The following ULK4 variants were observed in gnomAD, a reference collection of about 807,000 sequenced individuals.
ULK4 encodes inactive serine/threonine-protein kinase ULK4.
A neutral mutation model predicts 160.6 loss-of-function variants in ULK4; 133 were observed. The ratio of observed to expected loss-of-function variants is 0.83; its 90% confidence interval spans 0.72 to 0.96. ULK4 has a LOEUF of 0.96. Among genes scored for constraint, ULK4 ranks in the 40% least tolerant of loss-of-function variants. ULK4 has a pLI of 0.00. For synonymous variants in ULK4, 534 were observed against 539.8 expected (o/e 0.99, Z 0.15); for missense variants, 1,580 against 1,499.5 (o/e 1.05, Z -0.89).
At chr3:41,619,106 A>C (rs2033120373) in intron 30 of ULK4, among the ~76,000 whole-genome samples, 1 of 152,196 alleles carries the variant, frequency 6.6e-6, no homozygotes, top group Non-Finnish European at 1.5e-5. Flanking sequence ...TGCACCCAAT[A>C]CAGGAGGACC....
At chr3:41,524,493 T>A (rs2086042292) in intron 32 of ULK4, among the ~76,000 whole-genome samples, 2 of 152,160 alleles carry the variant, frequency 1.3e-5, no homozygotes, top group Admixed American at 6.5e-5. Context: ...AGGAAACCAG[T>A]CAGCACCACA....
intron 35 of ULK4, among the ~76,000 whole-genome samples, chr3:41,326,451 C>CATATATATATATAT (rs10660377): frequency 4.3e-4 from 63 of 146,692 alleles, no homozygotes; most frequent in African/African-American, 1.5e-3. Flanking sequence ...TGCATATATA[C>CATATATATATATAT]ATATATATAT....
intron 32 of ULK4, among the ~76,000 whole-genome samples, chr3:41,550,923 T>A (rs1187267251): frequency 6.6e-6 from 1 of 152,000 alleles, no homozygotes; most frequent in East Asian, 1.9e-4. Context: ...ATCAAAATCA[T>A]ATCAACTATT....
At chr3:41,864,967 C>A (rs1169223584) in intron 17 of ULK4, among the ~76,000 whole-genome samples, 2 of 151,832 alleles carry the variant, frequency 1.3e-5, no homozygotes, top group Non-Finnish European at 2.9e-5. Flanking sequence ...CAGAGCCAAA[C>A]TTTTTCTAAG....
chr3:41,903,570 G>A (rs1698445730), intron 12 of ULK4, among the ~76,000 whole-genome samples: 1 of 140,902 alleles, frequency 7.1e-6, no homozygotes, highest in South Asian at 2.5e-4. Flanking sequence ...GGCAAACAGA[G>A]CGAGACTCTG....
chr3:41,826,749 A>G (rs549780035), intron 18 of ULK4, among the ~76,000 whole-genome samples: 8 of 149,930 alleles, frequency 5.3e-5, no homozygotes, highest in East Asian at 3.9e-4. Context: ...AGACAGATCA[A>G]CGAGACAGAA....
At chr3:41,598,624 G>T (rs1406032499) in intron 31 of ULK4, among the ~76,000 whole-genome samples, 2 of 152,050 alleles carry the variant, frequency 1.3e-5, no homozygotes, top group African/African-American at 4.8e-5. Context: ...TCAAATATAT[G>T]TGGCTATTTT....
At chr3:41,650,784 A>G (rs2034709331) in intron 30 of ULK4, among the ~76,000 whole-genome samples, 2 of 152,174 alleles carry the variant, frequency 1.3e-5, no homozygotes, top group South Asian at 4.1e-4. Context: ...GCAACACCCT[A>G]AGGATCCTGT....
At chr3:41,279,255 T>TAAAAAA (rs771175184) in intron 35 of ULK4, among the ~76,000 whole-genome samples, 16 of 43,028 alleles carry the variant, frequency 3.7e-4, no homozygotes, top group East Asian at 1.1e-3. Context: ...AAAAAAAGAG[T>TAAAAAA]AAAAAAAAAA....
At chr3:41,785,673 C>T (rs73071346) in intron 21 of ULK4, among the ~76,000 whole-genome samples, 2,613 of 152,264 alleles carry the variant, frequency 0.017, 31 homozygotes, top group Non-Finnish European at 0.029. Flanking sequence ...CTCATTCTAA[C>T]CTATCAACAA....
At chr3:41,822,455 T>C (rs532660678) in intron 18 of ULK4, among the ~76,000 whole-genome samples, 5 of 152,302 alleles carry the variant, frequency 3.3e-5, no homozygotes, top group African/African-American at 1.2e-4. Context: ...TTCGCTCTTG[T>C]TGCCCAGGCT....
chr3:41,937,462 T>G lies in ULK4; in HGVS notation c.238+636A>C, dbSNP rs192221757. The stretch of plus-strand genomic sequence containing the variant: ...AAGCTAGTAATAATTATATCAATAT[T>G]CAATTATCCTTTATTGTTACTCAAT... On this transcript the variant is annotated intron_variant, in intron 3 of 36. Transcript: ENST00000301831. 4.9e-5 allele frequency: 28 copies of G among 576,570 alleles called. No homozygotes were observed. The South Asian group carries it at 6.5e-4, about 13-fold the overall frequency. 35.7% of individuals were successfully genotyped at this position (576,570 alleles called of 1,614,324 possible). A position where few individuals can be genotyped will look rare whatever the true frequency, so the allele number is the denominator to read the frequency against.
chr3:41,396,048 AATAAC>A (rs1203141954), intron 35 of ULK4, among the ~76,000 whole-genome samples: 2 of 152,158 alleles, frequency 1.3e-5, no homozygotes, highest in African/African-American at 2.4e-5. Flanking sequence ...TGTTTTAGTA[AATAAC>A]ATAACTTATT....
intron 35 of ULK4, among the ~76,000 whole-genome samples, chr3:41,300,067 G>A (rs2079752071): frequency 6.6e-6 from 1 of 152,156 alleles, no homozygotes; most frequent in African/African-American, 2.4e-5. Flanking sequence ...ACCAGCAGAA[G>A]AAGAGCACCA....
intron 35 of ULK4, among the ~76,000 whole-genome samples, chr3:41,363,807 C>T (rs992871789): frequency 2.6e-5 from 4 of 152,184 alleles, no homozygotes; most frequent in African/African-American, 9.7e-5. Context: ...CTTTGAATAT[C>T]TATCTGCTGT....
intron 32 of ULK4, among the ~76,000 whole-genome samples, chr3:41,463,792 C>T (rs1365709086): frequency 2.0e-5 from 3 of 152,112 alleles, no homozygotes; most frequent in Admixed American, 2.0e-4. Context: ...TTGGTCTTTA[C>T]TGATGTTTAG....
chr3:41,705,419 A>C, intron 25 of ULK4, 114 bp from the exon 26 acceptor site: 1 of 641,372 alleles, frequency 1.6e-6, no homozygotes, highest in Non-Finnish European at 2.6e-6. Context: ...ACTCATAGAC[A>C]GTATTAAATA....
At chr3:41,788,768 C>T (rs988869736) in intron 21 of ULK4, among the ~76,000 whole-genome samples, 2 of 151,976 alleles carry the variant, frequency 1.3e-5, no homozygotes, top group Admixed American at 1.3e-4. Context: ...TGAGAATTCA[C>T]AATCACAATA....
intron 17 of ULK4, among the ~76,000 whole-genome samples, chr3:41,844,095 C>T (rs950354906): frequency 2.0e-5 from 3 of 152,204 alleles, no homozygotes; most frequent in African/African-American, 4.8e-5. Flanking sequence ...TCGGGAGCAC[C>T]GCTGGCTTCA....
Sources: allele counts gnomAD v4.1 joint callset (sites outside exome capture counted in the v4.1 genomes callset), GRCh38; gene constraint gnomAD v4.1.1; transcripts MANE v1.5; gene names NCBI Gene and HGNC (gene_info 2026-07-23, HGNC 2026-07-21).